The following EPN2 variants were observed in gnomAD, a reference collection of about 807,000 sequenced individuals.
The protein encoded by EPN2 is epsin 2.
Under a neutral mutation model 61.7 loss-of-function variants are expected in EPN2, and 34 were observed. The ratio of observed to expected loss-of-function variants is 0.55; its 90% CI spans 0.42 to 0.73. The LOEUF (loss-of-function observed/expected upper bound fraction) is 0.73, where lower values mean the gene tolerates loss of function less well. Among genes scored for constraint, EPN2 ranks in the 30% least tolerant of loss-of-function variants. The pLI, the probability that EPN2 is intolerant of heterozygous loss-of-function variation, is 0.00. For missense variants in EPN2, 714 were observed against 839.2 expected, an observed-to-expected ratio of 0.85 and a Z score of 1.84; for synonymous variants, 349 against 353.6, an observed-to-expected ratio of 0.99 and a Z score of 0.15.
intron 1 of EPN2, among the ~76,000 whole-genome samples, chr17:19,267,300 A>G (rs539619431): frequency 1.3e-5 from 2 of 152,136 alleles, no homozygotes; most frequent in African/African-American, 4.8e-5. Context: ...TTGGAATAAT[A>G]GTGAAATAGT....
At chr17:19,243,163 G>A (rs1267313427) in intron 1 of EPN2, among the ~76,000 whole-genome samples, 2 of 151,816 alleles carry the variant, frequency 1.3e-5, no homozygotes, top group African/African-American at 2.4e-5. Flanking sequence ...TGCTGAACAC[G>A]TGGCTGGGGC....
At chr17:19,263,098 C>A (rs1263670311) in intron 1 of EPN2, among the ~76,000 whole-genome samples, 1 of 152,202 alleles carries the variant, frequency 6.6e-6, no homozygotes, top group African/African-American at 2.4e-5. Flanking sequence ...TAAGGAGGCT[C>A]CATCCTGACA....
intron 6 of EPN2, 108 bp downstream of exon 6, chr17:19,312,252 C>T (rs1906177380): frequency 2.5e-6 from 2 of 786,536 alleles, no homozygotes; most frequent in South Asian, 1.5e-5. Context: ...AGTTCTCCAA[C>T]CTCAGCAAAT....
At chr17:19,259,060 A>G (rs2045111842) in intron 1 of EPN2, among the ~76,000 whole-genome samples, 1 of 152,194 alleles carries the variant, frequency 6.6e-6, no homozygotes, top group East Asian at 1.9e-4. Flanking sequence ...TATAATTTGG[A>G]ATGGGGAAAC....
chr17:19,329,094 C>G, intron 8 of EPN2: 1 of 516,958 alleles, frequency 1.9e-6, no homozygotes, highest in South Asian at 3.2e-5. Context: ...TGCGCTGGTA[C>G]CTCCCTCCAA....
chr17:19,316,172 A>G (rs946842940), intron 7 of EPN2, among the ~76,000 whole-genome samples: 1 of 152,238 alleles, frequency 6.6e-6, no homozygotes, highest in African/African-American at 2.4e-5. Flanking sequence ...CATTTTGGCT[A>G]TTATGAATCC....
intron 1 of EPN2, among the ~76,000 whole-genome samples, chr17:19,239,588 A>G (rs1318973654): frequency 1.3e-5 from 2 of 152,196 alleles, no homozygotes; most frequent in Non-Finnish European, 2.9e-5. Flanking sequence ...GATACTGGTT[A>G]TTAAAGATTT....
Position 19,276,777 on chromosome 17 carries a change from T to TTTTTTTTTTTTTTTG in EPN2, c.-293-5177_-293-5163dup, listed in dbSNP as rs1555598446. 2.0e-3 allele frequency among the ~76,000 whole-genome samples: 303 copies of TTTTTTTTTTTTTTTG among 148,348 alleles called. 14 individuals are homozygous for TTTTTTTTTTTTTTTG. The highest frequency in any genetic ancestry group is 7.3e-3 in the African/African-American group (281 of 38,618). ...GTATGTAATTTATGAGAATAAGTTT[T>TTTTTTTTTTTTTTTG]TTTTTTTTTTTTTTGCTGTATTGGG... On this transcript the variant is annotated intron_variant, in intron 1 of 10. Coordinates refer to ENST00000314728, the MANE Select transcript of EPN2 (RefSeq NM_014964.5).
In EPN2 at chr17:19,328,847, G is replaced by A. The variant is rs147435325; in HGVS notation, c.1284G>A (p.Ala428=). The A allele has an allele frequency of 6.0e-5, 96 of 1,613,198 alleles. 1 individual carries two copies. Among genetic ancestry groups the A allele is most frequent in the South Asian group, 3.5e-4 (32 of 90,852 alleles). ...GTGCTGGGAAAAGAGCTTCTGACGC[G>A]TGGGGCGCAGTCTCCACCACCAAGC... The part of the protein sequence containing the change: ...ASSAGKRASD[A]WGAVSTTKPV... The change falls in exon 8 of 11, where the codon GCG becomes GCA. Residue 428 remains alanine (A), a synonymous_variant. Coordinates refer to ENST00000314728, the MANE Select transcript of EPN2 (RefSeq NM_014964.5).
At chr17:19,278,803 C>G (rs2045333502) in intron 1 of EPN2, among the ~76,000 whole-genome samples, 1 of 152,182 alleles carries the variant, frequency 6.6e-6, no homozygotes, top group African/African-American at 2.4e-5. Flanking sequence ...TGTGCACCAC[C>G]ATGCCTGGCT....
In EPN2 at chr17:19,273,356, C is replaced by T. The variant is rs948327784; in HGVS notation, c.-293-8599C>T. On this transcript the variant is annotated intron_variant, in intron 1 of 10. Transcript: ENST00000314728. ...CTGACACCTGCAGGGATCTTTCTTC[C>T]TTAGAAGAAAGTCCCAGGGGAGACA... 5.9e-5 allele frequency: 9 copies of T among 152,134 alleles called. 1 individual carries two copies. Among genetic ancestry groups the T allele is most frequent in the Admixed American group, 4.6e-4 (7 of 15,266 alleles). The allele number at this position is 152,134 out of a possible 1,614,324, so 9.4% of individuals were successfully genotyped here.
At position 19,304,105 on chromosome 17, in the gene EPN2, A is replaced by AAAATAAAT. The variant is rs59074991; in HGVS notation, c.767-5769_767-5762dup. Among the ~76,000 whole-genome samples the AAAATAAAT allele has an allele frequency of 1.3e-4, 19 of 151,468 alleles. No individual in the cohort carries two copies. The East Asian group carries it at 1.4e-3, about 11-fold the overall frequency. ...GTGACAGAGTGAGACTCCGTCTCAAAAAATAAATAAATAAATAACCTGGTG... is the reference window on the plus strand; with the variant it reads ...GTGACAGAGTGAGACTCCGTCTCAAAAAATAAATAAATAAATAAATAAATAACCTGGTG... On this transcript the variant is annotated intron_variant, in intron 4 of 10. Transcript: ENST00000314728.
At chr17:19,271,100 CTGAG>C (rs950338633) in intron 1 of EPN2, among the ~76,000 whole-genome samples, 9 of 151,814 alleles carry the variant, frequency 5.9e-5, no homozygotes, top group African/African-American at 2.2e-4. Context: ...TTGTTGAGGG[CTGAG>C]TGTGTGCCAG....
chr17:19,241,361 G>C (rs1777469265), intron 1 of EPN2, among the ~76,000 whole-genome samples: 1 of 152,134 alleles, frequency 6.6e-6, no homozygotes, highest in African/African-American at 2.4e-5. Flanking sequence ...AAAGCGGCCG[G>C]ATCACCCTGA....
intron 1 of EPN2, among the ~76,000 whole-genome samples, chr17:19,241,584 CAA>C (rs767439856): frequency 1.0e-4 from 6 of 60,070 alleles, no homozygotes; most frequent in African/African-American, 2.0e-4. Flanking sequence ...GACTCTGTCT[CAA>C]AAAAAAAAAA....
intron 4 of EPN2, among the ~76,000 whole-genome samples, chr17:19,297,916 T>TC (rs1491522646): frequency 6.6e-6 from 1 of 152,172 alleles, no homozygotes; most frequent in East Asian, 1.9e-4. Flanking sequence ...TGAGACAGAG[T>TC]CTCACTCTGT....
intron 1 of EPN2, among the ~76,000 whole-genome samples, chr17:19,262,502 C>A (rs574144074): frequency 6.6e-6 from 1 of 152,256 alleles, no homozygotes; most frequent in South Asian, 2.1e-4. Flanking sequence ...CAAAACAAAA[C>A]AAAAACAGTT....
At chr17:19,321,042 T>C (rs1000750540) in intron 7 of EPN2, among the ~76,000 whole-genome samples, 20 of 152,262 alleles carry the variant, frequency 1.3e-4, no homozygotes, top group Non-Finnish European at 4.4e-5. Flanking sequence ...AGATGCAGTC[T>C]CACATGCACA....
intron 1 of EPN2, among the ~76,000 whole-genome samples, chr17:19,242,150 G>C (rs925274623): frequency 2.8e-5 from 3 of 108,396 alleles, no homozygotes; most frequent in African/African-American, 4.6e-5. Flanking sequence ...AAAAAAAAAA[G>C]CCTAGGCCAG....
Sources: gnomAD v4.1 joint callset for allele counts (sites outside exome capture counted in the v4.1 genomes callset) on GRCh38, gnomAD v4.1.1 for gene constraint, MANE v1.5 for transcripts, NCBI Gene and HGNC (gene_info 2026-07-23, HGNC 2026-07-21) for gene names.